The following GIPR variants were observed in gnomAD, a reference collection of about 807,000 sequenced individuals.
GIPR encodes the protein gastric inhibitory polypeptide receptor, also known as GIP-R.
A neutral mutation model predicts 62.2 loss-of-function variants in GIPR; 74 were observed. The observed-to-expected ratio is 1.19, with a 90% CI of 0.99 to 1.44. The LOEUF (loss-of-function observed/expected upper bound fraction) is 1.44, where lower values mean the gene tolerates loss of function less well. GIPR is among the 40% of genes most tolerant of loss of function. The pLI is 0.00. For missense variants in GIPR, 664 were observed against 611.8 expected (o/e 1.09, Z -0.90); for synonymous variants, 256 against 262.2 (o/e 0.98, Z 0.23).
intron 12 of GIPR, chr19:45,678,457 G>C (rs542092505): frequency 2.1e-5 from 12 of 583,490 alleles, no homozygotes; most frequent in African/African-American, 7.5e-5. Context: ...TCTGACTCCC[G>C]GGTTCAAGCG....
intron 1 of GIPR, 122 bp from the exon 2 acceptor site, chr19:45,669,355 C>A: frequency 1.1e-6 from 1 of 943,380 alleles, no homozygotes; most frequent in Non-Finnish European, 1.6e-6. Context: ...TGCGCTGCCT[C>A]GGAGTCCCGC....
intron 2 of GIPR, 68 bp downstream of exon 2, chr19:45,669,660 C>T (rs997109887): frequency 5.8e-5 from 89 of 1,527,968 alleles, no homozygotes; most frequent in East Asian, 4.9e-5. Flanking sequence ...TTAGGGCTTC[C>T]GTCGTCAGGG....
intron 2 of GIPR, among the ~76,000 whole-genome samples, chr19:45,669,955 G>C (rs192689941): frequency 2.0e-5 from 3 of 150,938 alleles, no homozygotes; most frequent in Admixed American, 6.6e-5. Context: ...TCTCGGGGTG[G>C]GGGGGGGAGG....
At chr19:45,678,302 G>A (rs1967065116) in intron 12 of GIPR, 76 bp downstream of exon 12, 3 of 1,464,790 alleles carry the variant, frequency 2.0e-6, no homozygotes, top group Non-Finnish European at 2.8e-6. Flanking sequence ...AGCTACAGTC[G>A]TTCTCTGGTG....
chr19:45,681,842 C>G lies in GIPR; in HGVS notation c.1308C>G (p.Gly436=). The G allele has an allele frequency of 6.4e-7, 1 of 1,554,118 alleles. No homozygotes were observed. Among genetic ancestry groups the G allele is most frequent in the Non-Finnish European group, 8.7e-7 (1 of 1,148,534 alleles). ...TCCGGGCCCTGCCCTCCGGCTCCGG[C>G]CCGGGCGAGGTCCCCACCAGCCGCG... is the stretch of plus-strand genomic sequence containing the variant. ...RAFRALPSGS[G]PGEVPTSRGL... The change falls in exon 14 of 14, where the codon GGC becomes GGG. Residue 436 remains glycine (G), a synonymous_variant. Coordinates refer to ENST00000590918, the MANE Select transcript of GIPR (RefSeq NM_000164.4).
intron 2 of GIPR, among the ~76,000 whole-genome samples, chr19:45,669,873 C>A (rs1975445859): frequency 6.7e-6 from 1 of 148,248 alleles, no homozygotes; most frequent in Admixed American, 6.8e-5. Context: ...CGCTTGAGCC[C>A]GGGAGGCAGA....
chr19:45,671,482 C>T (rs1241872018), intron 4 of GIPR, 90 bp downstream of exon 4: 1 of 810,916 alleles, frequency 1.2e-6, no homozygotes, highest in Admixed American at 1.8e-5. Flanking sequence ...TCCCACAGCT[C>T]ACCTGCACCC....
intron 3 of GIPR, 120 bp downstream of exon 3, chr19:45,670,854 C>CGGGGACTGACCTGAGCATGGT: frequency 1.5e-6 from 1 of 658,686 alleles, no homozygotes; most frequent in South Asian, 1.8e-5. Context: ...TGGAGAGGCC[C>CGGGGACTGACCTGAGCATGGT]GGGGACTGAC....
rs751774145 is a variant in GIPR, at chr19:45,681,766, GC to G, written c.1234del (p.Leu412CysfsTer87). 2.5e-6 allele frequency: 4 copies of G among 1,604,430 alleles called. No individual in the cohort carries two copies. Among genetic ancestry groups the G allele is most frequent in the Non-Finnish European group, 3.4e-6 (4 of 1,175,402 alleles). On this transcript the variant is annotated frameshift_variant, in exon 14 of 14. Coordinates refer to ENST00000590918, the MANE Select transcript of GIPR (RefSeq NM_000164.4). LOFTEE classifies it low-confidence loss of function (END_TRUNC). ...ATCCGCCGTGGCTGGCACCACTGCCGCCTGCGCCGCAGCCTGGGCGAGGAGC... is the reference window on the plus strand; with the variant it reads ...ATCCGCCGTGGCTGGCACCACTGCCGCTGCGCCGCAGCCTGGGCGAGGAGC... ...SEIRRGWHHC[R>X]LRRSLGEEQR...
intron 9 of GIPR, 51 bp from the exon 10 acceptor site, chr19:45,677,659 T>A: frequency 7.1e-7 from 1 of 1,409,094 alleles, no homozygotes; most frequent in Non-Finnish European, 1.0e-6. Context: ...AGCTTGGTGA[T>A]CGGTGAGTCT....
At position 45,682,006 on chromosome 19, in the gene GIPR, C is replaced by T. The variant is rs971050199; in HGVS notation, c.*71C>T. 2 of 1,288,088 alleles carry T rather than the reference C, an allele frequency of 1.6e-6. No homozygotes were observed. The highest frequency in any genetic ancestry group is 2.2e-6 in the Non-Finnish European group (2 of 909,124). The allele number at this position is 1,288,088 out of a possible 1,614,324, so 79.8% of individuals were successfully genotyped here. A position where few individuals can be genotyped will look rare whatever the true frequency, so the allele number is the denominator to read the frequency against. On this transcript the variant is annotated 3_prime_UTR_variant, in exon 14 of 14. Coordinates refer to ENST00000590918, the MANE Select transcript of GIPR (RefSeq NM_000164.4). ...TGCCAACTGCGTGCCAGGCCCAGTA[C>T]GGAGGACGCTGGGGAAATGGTGAAG...
chr19:45,683,423 G>A lies in GIPR; in HGVS notation c.*1488G>A, dbSNP rs1568531734. On this transcript the variant is annotated 3_prime_UTR_variant, in exon 14 of 14. Transcript: ENST00000590918. ...CTTAGATGGGTGGCCCCTGGAACCT[G>A]GGAGAATGAGGGGGCATGCTGACAG... 6.6e-6 allele frequency: 1 copy of A among 152,234 alleles called. No homozygotes were observed. The highest frequency in any genetic ancestry group is 2.4e-5 in the African/African-American group (1 of 41,428). The allele number at this position is 152,234 out of a possible 1,614,324, so 9.4% of individuals were successfully genotyped here.
At chr19:45,677,528 G>A in intron 9 of GIPR, 145 bp downstream of exon 9, 1 of 830,968 alleles carries the variant, frequency 1.2e-6, no homozygotes, top group Non-Finnish European at 2.0e-6. Context: ...TGGGGAGCTA[G>A]GAAAGGTTGT....
chr19:45,678,193 G>T lies in GIPR; in HGVS notation c.1119G>T (p.Lys373Asn). The T allele has an allele frequency of 1.9e-6, 3 of 1,584,052 alleles. No individual in the cohort carries two copies. Among genetic ancestry groups the T allele is most frequent in the Non-Finnish European group, 2.6e-6 (3 of 1,165,694 alleles). ...CCCGGGGCGCCCTGCGCTTCGCCAAGCTCGGCTTTGAGATCTTCCTCAGCT... is the reference window on the plus strand; with the variant it reads ...CCCGGGGCGCCCTGCGCTTCGCCAATCTCGGCTTTGAGATCTTCCTCAGCT... Reference protein sequence around the residue: ...EQARGALRFAKLGFEIFLSSF... With the variant: ...EQARGALRFANLGFEIFLSSF... The change falls in exon 12 of 14, where the codon AAG becomes AAT. Residue 373 changes from lysine (K) to asparagine (N), a missense_variant. Transcript: ENST00000590918.
At chr19:45,677,172 T>C in intron 8 of GIPR, 64 bp downstream of exon 8, 1 of 1,555,580 alleles carries the variant, frequency 6.4e-7, no homozygotes, top group Non-Finnish European at 8.8e-7. Flanking sequence ...CCAACTGCCC[T>C]GCTGGTTGGC....
chr19:45,672,331 CAG>C (rs1975585898), intron 4 of GIPR, among the ~76,000 whole-genome samples: 1 of 151,924 alleles, frequency 6.6e-6, no homozygotes, highest in Non-Finnish European at 1.5e-5. Context: ...GTTGTTGAGA[CAG>C]AGTCTCGCTT....
chr19:45,672,868 C>T lies in GIPR; in HGVS notation c.298C>T (p.Leu100Phe), dbSNP rs150952013. ...WHHHVAAGFV[L>F]RQCGSDGQWG... ...CCCCACAGTGGCTGCAGGTTTCGTC[C>T]TCCGCCAGTGTGGCAGTGATGGCCA... Residue 100 changes from leucine (L) to phenylalanine (F), a missense_variant, in exon 5 of 14, where the codon CTC becomes TTC. Leu to Phe is a conservative substitution (Grantham distance 22). Coordinates refer to ENST00000590918, the MANE Select transcript of GIPR (RefSeq NM_000164.4). 2.1e-4 allele frequency: 344 copies of T among 1,611,516 alleles called. 4 individuals carry two copies. The African/African-American group carries it at 3.3e-3, about 16-fold the overall frequency.
At position 45,680,104 on chromosome 19, in the gene GIPR, C is replaced by T. The variant is rs542882151; in HGVS notation, c.1153-1500C>T. ...ATCTCTACCAAAAATAAAAAATTAG[C>T]TGCCGGGCGCGGTGCCTCATGTCTG... On this transcript the variant is annotated intron_variant, in intron 12 of 13. Coordinates refer to ENST00000590918, the MANE Select transcript of GIPR (RefSeq NM_000164.4). Among the ~76,000 whole-genome samples, 8 of 152,236 alleles carry T rather than the reference C, an allele frequency of 5.3e-5. No individual in the cohort carries two copies. In the South Asian group the frequency reaches 1.7e-3, roughly 32 times the overall value.
In GIPR at chr19:45,677,007, A is replaced by T. The variant is rs199584358; in HGVS notation, c.692A>T (p.Tyr231Phe). ...IVTQYCVGAN[Y>F]TWLLVEGVYL... ...ACCCAGTACTGCGTGGGTGCCAACT[A>T]CACGTGGCTGCTGGTGGAGGGCGTC... The change falls in exon 8 of 14, where the codon TAC (tyrosine) becomes TTC (phenylalanine). Residue 231 changes from tyrosine (Y) to phenylalanine (F), a missense_variant. Transcript: ENST00000590918. 1 of 1,613,972 alleles carries T rather than the reference A, an allele frequency of 6.2e-7. No homozygotes were observed. The highest frequency in any genetic ancestry group is 1.1e-5 in the South Asian group (1 of 91,072).
Sources: gnomAD v4.1 joint callset for allele counts (sites outside exome capture counted in the v4.1 genomes callset) on GRCh38, gnomAD v4.1.1 for gene constraint, MANE v1.5 for transcripts, NCBI Gene and HGNC (gene_info 2026-07-23, HGNC 2026-07-21) for gene names.